NTM: variants seen among roughly 807,000 people sequenced by gnomAD.
NTM encodes IgLON family member 2.
In NTM, 13 loss-of-function variants were observed where a neutral mutation model predicts 42.1. The ratio of observed to expected loss-of-function variants is 0.31; its 90% CI spans 0.20 to 0.49. The LOEUF (loss-of-function observed/expected upper bound fraction) is 0.49, where lower values mean the gene tolerates loss of function less well. Among genes scored for constraint, NTM ranks in the 20% least tolerant of loss-of-function variants. The probability of loss-of-function intolerance (pLI) is 0.99; values close to 1 mark genes in which losing one functional copy is unlikely to be tolerated. For missense variants in NTM, 373 were observed against 452.8 expected, an observed-to-expected ratio of 0.82 and a Z score of 1.60; for synonymous variants, 187 against 179.2, an observed-to-expected ratio of 1.04 and a Z score of -0.35.
At chr11:132,161,671 A>G (rs3936011) in intron 3 of NTM, among the ~76,000 whole-genome samples, 105,805 of 151,622 alleles carry the variant, frequency 0.7, 37,447 homozygotes, top group East Asian at 0.8. Flanking sequence ...CCCCCTTGCC[A>G]GTTGCCATCC....
chr11:131,457,552 G>A (rs1395022039), intron 1 of NTM, among the ~76,000 whole-genome samples: 1 of 152,184 alleles, frequency 6.6e-6, no homozygotes, highest in Non-Finnish European at 1.5e-5. Context: ...AAGGGAAGAG[G>A]AAGTATGCCA....
intron 1 of NTM, among the ~76,000 whole-genome samples, chr11:131,393,783 G>GT (rs984867168): frequency 1.3e-5 from 2 of 152,184 alleles, no homozygotes; most frequent in African/African-American, 4.8e-5. Context: ...TCTTATCCCT[G>GT]TGAAGCACTT....
intron 3 of NTM, among the ~76,000 whole-genome samples, chr11:132,191,359 G>A (rs2079296257): frequency 6.6e-6 from 1 of 152,182 alleles, no homozygotes; most frequent in African/African-American, 2.4e-5. Flanking sequence ...AGAGGACAAA[G>A]CCACAGACCA....
intron 2 of NTM, among the ~76,000 whole-genome samples, chr11:132,070,128 ACGT>A (rs2057302093): frequency 6.8e-6 from 1 of 147,352 alleles, no homozygotes; most frequent in South Asian, 2.2e-4. Flanking sequence ...GTTAGTTAAC[ACGT>A]CACACAGCCA....
intron 1 of NTM, among the ~76,000 whole-genome samples, chr11:131,682,674 C>T (rs1436764128): frequency 6.6e-6 from 1 of 152,236 alleles, no homozygotes; most frequent in Admixed American, 6.5e-5. Flanking sequence ...CTTGTTACTG[C>T]ACCCTGAGCG....
chr11:132,138,429 G>A (rs1183453470), intron 2 of NTM, among the ~76,000 whole-genome samples: 2 of 152,160 alleles, frequency 1.3e-5, no homozygotes, highest in Admixed American at 6.5e-5. Context: ...AATAAAGCAG[G>A]AAGTCACAGA....
At chr11:131,454,134 T>G (rs1387790896) in intron 1 of NTM, among the ~76,000 whole-genome samples, 1 of 152,064 alleles carries the variant, frequency 6.6e-6, no homozygotes, top group Non-Finnish European at 1.5e-5. Context: ...TGCAGTACAG[T>G]ATAATAAGAT....
chr11:131,842,222 G>T (rs1019531402), intron 1 of NTM, among the ~76,000 whole-genome samples: 1 of 152,138 alleles, frequency 6.6e-6, no homozygotes, highest in Non-Finnish European at 1.5e-5. Context: ...CATTTTAATC[G>T]CTGGAACAGA....
intron 1 of NTM, among the ~76,000 whole-genome samples, chr11:131,746,799 T>C (rs2135645044): frequency 6.6e-6 from 1 of 152,292 alleles, no homozygotes; most frequent in African/African-American, 2.4e-5. Flanking sequence ...ATGAGTCTAG[T>C]GTACCCTCCG....
chr11:132,010,617 C>CTTTTT lies in NTM; in HGVS notation c.167+98976_167+98980dup, dbSNP rs71067351. Among the ~76,000 whole-genome samples the CTTTTT allele has an allele frequency of 4.9e-3, 713 of 146,916 alleles. 7 individuals carry two copies. The highest frequency in any genetic ancestry group is 0.015 in the African/African-American group (582 of 40,008). ...TTTATTAAGTGACCATTTCTACTGTCTTTTTTTTTTTCCTCCATTCTCTTC... is the reference window on the plus strand; with the variant it reads ...TTTATTAAGTGACCATTTCTACTGTCTTTTTTTTTTTTTTTTCCTCCATTCTCTTC... On this transcript the variant is annotated intron_variant, in intron 2 of 8. Transcript: ENST00000683400.
intron 1 of NTM, among the ~76,000 whole-genome samples, chr11:131,636,044 G>C (rs954139630): frequency 2.0e-5 from 3 of 152,152 alleles, no homozygotes; most frequent in Non-Finnish European, 2.9e-5. Context: ...TCATACAATG[G>C]GGAGATGGCC....
rs548697263 is a variant in NTM, at chr11:131,693,901, T to C, written c.83-217663T>C. Among the ~76,000 whole-genome samples the C allele has an allele frequency of 2.0e-5, 3 of 152,318 alleles. No individual in the cohort carries two copies. In the South Asian group the frequency reaches 6.2e-4, roughly 32 times the overall value. On this transcript the variant is annotated intron_variant, in intron 1 of 8. Transcript: ENST00000683400. ...GTCTGCAGGTGGAAGCACATTCCTG[T>C]GTTTGACTTCGTCTCTGGAGACCTG... is the stretch of plus-strand genomic sequence containing the variant.
chr11:132,143,196 T>A (rs2069565371), intron 2 of NTM, among the ~76,000 whole-genome samples: 1 of 152,148 alleles, frequency 6.6e-6, no homozygotes, highest in Non-Finnish European at 1.5e-5. Context: ...AACTCTCATT[T>A]TTGCCAGGAA....
intron 1 of NTM, among the ~76,000 whole-genome samples, chr11:131,691,558 G>GCC (rs11434770): frequency 0.036 from 5,115 of 142,900 alleles, 281 homozygotes; most frequent in African/African-American, 0.14. Flanking sequence ...TTCCCTGAAA[G>GCC]CCCCCCCCCG....
chr11:132,204,894 G>A (rs1289786756), intron 3 of NTM, among the ~76,000 whole-genome samples: 1 of 152,158 alleles, frequency 6.6e-6, no homozygotes, highest in Non-Finnish European at 1.5e-5. Flanking sequence ...GGGAAAAGAT[G>A]GATTTTTCTC....
chr11:132,234,500 G>A (rs927840704), intron 4 of NTM, among the ~76,000 whole-genome samples: 7 of 152,156 alleles, frequency 4.6e-5, no homozygotes, highest in African/African-American at 1.7e-4. Flanking sequence ...TATTTGTGAA[G>A]CAGAGGTGGC....
At chr11:131,488,545 GC>G (rs1954433819) in intron 1 of NTM, among the ~76,000 whole-genome samples, 1 of 152,172 alleles carries the variant, frequency 6.6e-6, no homozygotes, top group Non-Finnish European at 1.5e-5. Flanking sequence ...TTGCAGCCCA[GC>G]CCAGATTCAA....
chr11:131,564,908 G>A (rs764782911), intron 1 of NTM, among the ~76,000 whole-genome samples: 11 of 152,088 alleles, frequency 7.2e-5, no homozygotes, highest in East Asian at 1.9e-4. Flanking sequence ...GAAGCCCTTC[G>A]CTTCCTCTAC....
At chr11:131,551,488 A>G (rs1310966757) in intron 1 of NTM, among the ~76,000 whole-genome samples, 1 of 152,114 alleles carries the variant, frequency 6.6e-6, no homozygotes, top group Non-Finnish European at 1.5e-5. Context: ...TTGGAATTCA[A>G]TTCTCAGTGT....
Sources: gnomAD v4.1 joint callset for allele counts (sites outside exome capture counted in the v4.1 genomes callset) on GRCh38, gnomAD v4.1.1 for gene constraint, MANE v1.5 for transcripts, NCBI Gene and HGNC (gene_info 2026-07-23, HGNC 2026-07-21) for gene names.